MTHFD1: variants seen among roughly 807,000 people sequenced by gnomAD.
The protein encoded by MTHFD1 is methylenetetrahydrofolate dehydrogenase, cyclohydrolase and formyltetrahydrofolate synthetase 1, also known as C-1-tetrahydrofolate synthase, cytoplasmic.
MTHFD1 carries 44 observed loss-of-function variants against 110.3 expected under a neutral mutation model. The observed-to-expected ratio is 0.40, with a 90% confidence interval of 0.31 to 0.51. The LOEUF (loss-of-function observed/expected upper bound fraction) is 0.51. Among genes scored for constraint, MTHFD1 ranks in the 20% least tolerant of loss-of-function variants. The pLI is 0.60. For missense variants in MTHFD1, 909 were observed against 1,173.1 expected, an observed-to-expected ratio of 0.77 and a Z score of 3.29; for synonymous variants, 402 against 428.8, an observed-to-expected ratio of 0.94 and a Z score of 0.77.
At chr14:64,442,447 G>A (rs761493601) in intron 21 of MTHFD1, 45 bp downstream of exon 21, 13 of 1,600,122 alleles carry the variant, frequency 8.1e-6, no homozygotes, top group South Asian at 2.2e-5. Context: ...GTGTGCTGAC[G>A]GCCAAAAGGA....
chr14:64,436,436 A>G (rs535239218), intron 16 of MTHFD1, among the ~76,000 whole-genome samples: 8 of 152,306 alleles, frequency 5.3e-5, no homozygotes, highest in African/African-American at 1.9e-4. Flanking sequence ...ATTCTCTTAT[A>G]GCATATTAGG....
intron 1 of MTHFD1, among the ~76,000 whole-genome samples, chr14:64,392,366 G>C (rs758912386): frequency 6.6e-6 from 1 of 152,188 alleles, no homozygotes; most frequent in Non-Finnish European, 1.5e-5. Context: ...TGCTTTGTAG[G>C]CAAGAAAGCA....
At chr14:64,415,229 A>C in intron 4 of MTHFD1, 129 bp from the exon 5 acceptor site, 1 of 752,454 alleles carries the variant, frequency 1.3e-6, no homozygotes, top group Non-Finnish European at 2.3e-6. Flanking sequence ...AGGGGAAGGT[A>C]CATTCTGAAA....
At chr14:64,458,105 G>A (rs2078504461) in intron 26 of MTHFD1, 109 bp from the exon 27 acceptor site, 2 of 844,382 alleles carry the variant, frequency 2.4e-6, no homozygotes, top group South Asian at 1.3e-5. Context: ...TGCCCAGGGT[G>A]GTTTAGAACT....
chr14:64,405,270 T>G (rs911316135), intron 2 of MTHFD1, among the ~76,000 whole-genome samples: 4 of 151,960 alleles, frequency 2.6e-5, no homozygotes, highest in Admixed American at 2.6e-4. Flanking sequence ...ATTGGGGGTG[T>G]TTTTTTTCCT....
chr14:64,452,939 T>C (rs2078399394), intron 24 of MTHFD1, among the ~76,000 whole-genome samples: 1 of 151,962 alleles, frequency 6.6e-6, no homozygotes, highest in South Asian at 2.1e-4. Flanking sequence ...CAGGCTGGTT[T>C]CAAACTCCTG....
chr14:64,424,940 G>A lies in MTHFD1; in HGVS notation c.855+9G>A, dbSNP rs751697441. The A allele has an allele frequency of 1.9e-6, 3 of 1,613,974 alleles. No individual in the cohort carries two copies. The highest frequency in any genetic ancestry group is 2.7e-5 in the African/African-American group (2 of 74,898). Reference sequence around the variant, plus strand: ...TTGCAATGCTCATGCAGGTAATTGTGAATAAAAGTTTCTATAAGAGTTCTG... The same window carrying A: ...TTGCAATGCTCATGCAGGTAATTGTAAATAAAAGTTTCTATAAGAGTTCTG... On this transcript the variant is annotated intron_variant, in intron 9 of 27. Transcript: ENST00000652337.
At chr14:64,422,101 C>T (rs2078079380) in intron 8 of MTHFD1, among the ~76,000 whole-genome samples, 1 of 151,894 alleles carries the variant, frequency 6.6e-6, no homozygotes, top group African/African-American at 2.4e-5. Flanking sequence ...CACATTGATT[C>T]CTTATGTAGA....
At chr14:64,450,319 A>G (rs1454729569) in intron 24 of MTHFD1, among the ~76,000 whole-genome samples, 3 of 152,222 alleles carry the variant, frequency 2.0e-5, no homozygotes, top group African/African-American at 7.2e-5. Flanking sequence ...CGAGCTTACA[A>G]AATTTTTCTG....
In MTHFD1 at chr14:64,444,901, G is replaced by A. The variant is rs2078278645; in HGVS notation, c.2178+167G>A. ...GGAGTTATATTAAATGAGTAGATAG[G>A]GAAGATGTACCTCACAAAATAGAAT... On this transcript the variant is annotated intron_variant, in intron 22 of 27. Coordinates refer to ENST00000652337, the MANE Select transcript of MTHFD1 (RefSeq NM_005956.4). 10 of 710,414 alleles carry A rather than the reference G, an allele frequency of 1.4e-5. 1 individual carries two copies. Among genetic ancestry groups the A allele is most frequent in the Non-Finnish European group, 2.5e-5 (10 of 397,394 alleles). 44.0% of individuals were successfully genotyped at this position (710,414 alleles called of 1,614,324 possible). A position where few individuals can be genotyped will look rare whatever the true frequency, so the allele number is the denominator to read the frequency against.
chr14:64,441,125 G>C, intron 18 of MTHFD1: 1 of 424,862 alleles, frequency 2.4e-6, no homozygotes, highest in South Asian at 2.0e-5. Flanking sequence ...CTGGGAGGTG[G>C]AGCTTGCAGT....
At chr14:64,392,812 G>GAAA (rs2077817226) in intron 1 of MTHFD1, among the ~76,000 whole-genome samples, 2 of 152,110 alleles carry the variant, frequency 1.3e-5, no homozygotes, top group Non-Finnish European at 2.9e-5. Flanking sequence ...TTAATAAATA[G>GAAA]GTACTTAGAA....
chr14:64,408,633 A>G lies in MTHFD1; in HGVS notation c.127-2457A>G, dbSNP rs571819377. 4.6e-5 allele frequency among the ~76,000 whole-genome samples: 7 copies of G among 152,270 alleles called. No homozygotes were observed. The South Asian group carries it at 1.5e-3, about 32-fold the overall frequency. ...CATTCTTTTTGCATCTAGTCTATCA[A>G]TGGTTCTATAACCACTTTCCCCTAT... is the stretch of plus-strand genomic sequence containing the variant. On this transcript the variant is annotated intron_variant, in intron 2 of 27. Transcript: ENST00000652337.
intron 2 of MTHFD1, among the ~76,000 whole-genome samples, chr14:64,410,662 G>C (rs1173095598): frequency 1.3e-5 from 2 of 152,130 alleles, no homozygotes; most frequent in East Asian, 1.9e-4. Context: ...TTGCCCCTGC[G>C]GGTGGGGGAG....
At chr14:64,435,847 CCTT>C (rs1484203172) in intron 16 of MTHFD1, among the ~76,000 whole-genome samples, 176 bp downstream of exon 16, 1 of 152,168 alleles carries the variant, frequency 6.6e-6, no homozygotes, top group Non-Finnish European at 1.5e-5. Flanking sequence ...CAGTATCTCT[CCTT>C]ATTAGCTATC....
intron 8 of MTHFD1, among the ~76,000 whole-genome samples, chr14:64,421,321 A>G (rs2078068659): frequency 6.6e-6 from 1 of 152,178 alleles, no homozygotes; most frequent in Non-Finnish European, 1.5e-5. Flanking sequence ...ACTGGCACTC[A>G]TATCTATTGA....
chr14:64,412,539 A>G lies in MTHFD1; in HGVS notation c.240+14A>G. On this transcript the variant is annotated intron_variant, in intron 4 of 27. Transcript: ENST00000652337. ...ACAGAATCTGAGGTGAGCTTTTATG[A>G]GTTGATTGTGAAGAGGGAAGGTGAA... is the stretch of plus-strand genomic sequence containing the variant. 6.2e-7 allele frequency: 1 copy of G among 1,606,544 alleles called. No homozygotes were observed. Among genetic ancestry groups the G allele is most frequent in the Non-Finnish European group, 8.5e-7 (1 of 1,173,922 alleles).
chr14:64,457,114 TG>T (rs912872699), intron 26 of MTHFD1, among the ~76,000 whole-genome samples: 1 of 152,242 alleles, frequency 6.6e-6, no homozygotes, highest in African/African-American at 2.4e-5. Context: ...CCAGTAAGAA[TG>T]GTGATTATAA....
Position 64,415,365 on chromosome 14 carries a change from A to G in MTHFD1, c.248A>G (p.Lys83Arg). 6.2e-7 allele frequency: 1 copy of G among 1,607,330 alleles called. No individual in the cohort carries two copies. The highest frequency in any genetic ancestry group is 8.5e-7 in the Non-Finnish European group (1 of 1,173,712). Residue 83 changes from lysine (K) to arginine (R), a missense_variant, in exon 5 of 28, where the codon AAG (lysine) becomes AGG (arginine). Physicochemically the swap from Lys to Arg is conservative, Grantham distance 26 (BLOSUM62 2). Transcript: ENST00000652337. Reference protein sequence around the residue: ...PRTTTESEVMKYITSLNEDST... With the variant: ...PRTTTESEVMRYITSLNEDST... ...ATATGGTATTACTTTTAGGTGATGA[A>G]GTACATTACATCTTTGAATGAAGAC...
Sources: gnomAD v4.1 joint callset for allele counts (sites outside exome capture counted in the v4.1 genomes callset) on GRCh38, gnomAD v4.1.1 for gene constraint, MANE v1.5 for transcripts, NCBI Gene and HGNC (gene_info 2026-07-23, HGNC 2026-07-21) for gene names.